The following CLRN1 variants were observed in gnomAD, a reference collection of about 807,000 sequenced individuals.
CLRN1 encodes clarin 1, also known as clarin-1.
A neutral mutation model predicts 18.7 loss-of-function variants in CLRN1; 15 were observed. The ratio of observed to expected loss-of-function variants is 0.80; its 90% CI spans 0.54 to 1.23. The LOEUF is 1.23. Among genes scored for constraint, CLRN1 ranks in the 50% most tolerant of loss-of-function variants. CLRN1 has a pLI of 0.00. For synonymous variants in CLRN1, 104 were observed against 102.9 expected (o/e 1.01, Z -0.07); for missense variants, 311 against 277.5 (o/e 1.12, Z -0.86).
Position 150,927,659 on chromosome 3 carries a change from C to CACAT in CLRN1, c.*276_*277insATGT, listed in dbSNP as rs1712884088. ...ACACACACACACACACACACACACA[C>CACAT]ATATATATATATGGAGTAACAATTT... On this transcript the variant is annotated 3_prime_UTR_variant, in exon 3 of 3. Transcript: ENST00000327047. The CACAT allele has an allele frequency of 7.4e-6, 3 of 406,062 alleles. No individual in the cohort carries two copies. Among genetic ancestry groups the CACAT allele is most frequent in the South Asian group, 2.0e-5 (1 of 51,130 alleles). 25.2% of individuals were successfully genotyped at this position (406,062 alleles called of 1,614,324 possible).
At chr3:150,937,120 T>G (rs1457250572) in intron 2 of CLRN1, among the ~76,000 whole-genome samples, 1 of 152,214 alleles carries the variant, frequency 6.6e-6, no homozygotes, top group Non-Finnish European at 1.5e-5. Flanking sequence ...GATAGATGAT[T>G]TACCTCTTTA....
At chr3:150,942,700 C>A in intron 1 of CLRN1, 1 of 370,856 alleles carries the variant, frequency 2.7e-6, no homozygotes, top group South Asian at 1.9e-5. Context: ...TAGCTTATCT[C>A]CAAAAATGGC....
In CLRN1 at chr3:150,962,710, T is replaced by C. The variant is rs141961818; in HGVS notation, c.253+9746A>G. On this transcript the variant is annotated intron_variant, in intron 1 of 2. Coordinates refer to ENST00000327047, the MANE Select transcript of CLRN1 (RefSeq NM_174878.3). ...CCATGAAGATTTTAGTTGGCAGTGA[T>C]CTTAAATTAGCTAACCACACATGTG... Among the ~76,000 whole-genome samples the C allele has an allele frequency of 2.4e-3, 364 of 152,320 alleles. 3 individuals are homozygous for C. Among genetic ancestry groups the C allele is most frequent in the African/African-American group, 7.9e-3 (328 of 41,556 alleles).
intron 2 of CLRN1, among the ~76,000 whole-genome samples, chr3:150,929,748 C>T (rs1713040190): frequency 1.3e-5 from 2 of 152,218 alleles, no homozygotes; most frequent in Admixed American, 1.3e-4. Flanking sequence ...GATTCCTCCA[C>T]TTACAATGTC....
intron 1 of CLRN1, among the ~76,000 whole-genome samples, chr3:150,953,728 G>T (rs111261403): frequency 6.6e-6 from 1 of 152,086 alleles, no homozygotes; most frequent in Non-Finnish European, 1.5e-5. Context: ...ATGTTGACCA[G>T]GCTAGTCTTG....
chr3:150,963,775 T>C (rs544777736), intron 1 of CLRN1, among the ~76,000 whole-genome samples: 2 of 152,244 alleles, frequency 1.3e-5, no homozygotes, highest in Middle Eastern at 6.8e-3. Flanking sequence ...TCTACAACCA[T>C]CTGCTCTTTG....
intron 1 of CLRN1, among the ~76,000 whole-genome samples, chr3:150,951,486 C>T (rs112445104): frequency 0.041 from 6,174 of 152,008 alleles, 362 homozygotes; most frequent in African/African-American, 0.13. Flanking sequence ...TACAGGCACC[C>T]GCCACCATGC....
intron 1 of CLRN1, among the ~76,000 whole-genome samples, chr3:150,952,315 A>T (rs557649774): frequency 6.6e-6 from 1 of 152,298 alleles, no homozygotes; most frequent in South Asian, 2.1e-4. Flanking sequence ...AGAGGCACTA[A>T]GCGCAGCTCC....
intron 2 of CLRN1, chr3:150,940,648 A>T: frequency 4.6e-6 from 4 of 878,210 alleles, no homozygotes; most frequent in Non-Finnish European, 6.8e-6. Context: ...AATCTGACAA[A>T]GTGTTGGATC....
At chr3:150,937,057 CTTAA>C (rs1161620171) in intron 2 of CLRN1, among the ~76,000 whole-genome samples, 3 of 152,122 alleles carry the variant, frequency 2.0e-5, no homozygotes, top group African/African-American at 7.2e-5. Context: ...ACTGTAATCA[CTTAA>C]TTATTTATGT....
At chr3:150,950,392 A>T (rs755825027) in intron 1 of CLRN1, among the ~76,000 whole-genome samples, 16 of 152,224 alleles carry the variant, frequency 1.1e-4, no homozygotes, top group Admixed American at 8.5e-4. Context: ...AGAATGGGAG[A>T]AAATATTTGC....
chr3:150,949,612 A>G (rs554136881), intron 1 of CLRN1, among the ~76,000 whole-genome samples: 1 of 152,354 alleles, frequency 6.6e-6, no homozygotes, highest in East Asian at 1.9e-4. Flanking sequence ...CAGAAAGAAT[A>G]CAATACCTAG....
upstream of CLRN1, chr3:150,972,947 T>A (rs1295051053): frequency 3.1e-6 from 2 of 642,972 alleles, no homozygotes; most frequent in African/African-American, 3.6e-5. Flanking sequence ...TTGGAAATCT[T>A]TGGACTAAGA....
At chr3:150,959,993 G>C (rs1693950954) in intron 1 of CLRN1, among the ~76,000 whole-genome samples, 1 of 152,172 alleles carries the variant, frequency 6.6e-6, no homozygotes, top group African/African-American at 2.4e-5. Flanking sequence ...AAGCACAATG[G>C]GTAGAGGGGC....
intron 1 of CLRN1, among the ~76,000 whole-genome samples, chr3:150,950,388 G>A (rs137955947): frequency 4.6e-5 from 7 of 152,112 alleles, no homozygotes; most frequent in African/African-American, 1.7e-4. Context: ...CTACAGAATG[G>A]GAGAAAATAT....
intron 2 of CLRN1, among the ~76,000 whole-genome samples, chr3:150,934,765 C>G (rs977154489): frequency 7.2e-5 from 11 of 152,264 alleles, no homozygotes; most frequent in African/African-American, 2.6e-4. Flanking sequence ...ATACTCAGCT[C>G]CCTCTTTTTT....
chr3:150,951,017 T>A (rs1242864517), intron 1 of CLRN1, among the ~76,000 whole-genome samples: 2 of 152,284 alleles, frequency 1.3e-5, no homozygotes, highest in East Asian at 3.9e-4. Context: ...TTGGAGGCTA[T>A]CATCCTTAGC....
intron 2 of CLRN1, 73 bp downstream of exon 2, chr3:150,941,509 T>A (rs1713837624): frequency 1.4e-6 from 2 of 1,441,892 alleles, no homozygotes; most frequent in Non-Finnish European, 1.9e-6. Context: ...ATTATAACTT[T>A]ATATTTAGGT....
At chr3:150,957,322 T>C (rs752617649) in intron 1 of CLRN1, among the ~76,000 whole-genome samples, 21 of 151,942 alleles carry the variant, frequency 1.4e-4, no homozygotes, top group Non-Finnish European at 2.8e-4. Flanking sequence ...TTTCCTGATC[T>C]CAGTCTTTCC....
Sources: gnomAD v4.1 joint callset for allele counts (sites outside exome capture counted in the v4.1 genomes callset) on GRCh38, gnomAD v4.1.1 for gene constraint, MANE v1.5 for transcripts, NCBI Gene and HGNC (gene_info 2026-07-23, HGNC 2026-07-21) for gene names.